MCCC2: variants seen among roughly 807,000 people sequenced by gnomAD.
MCCC2 encodes the protein methylcrotonyl-CoA carboxylase subunit 2, also known as methylcrotonoyl-CoA carboxylase beta chain, mitochondrial.
MCCC2 carries 52 observed loss-of-function variants against 77.2 expected under a neutral mutation model. The ratio of observed to expected loss-of-function variants is 0.67; its 90% CI spans 0.54 to 0.85. The LOEUF is 0.85. Among genes scored for constraint, MCCC2 ranks in the 40% least tolerant of loss-of-function variants. The pLI is 0.00. For synonymous variants in MCCC2, 253 were observed against 248.4 expected, an observed-to-expected ratio of 1.02 and a Z score of -0.18; for missense variants, 682 against 703.2, an observed-to-expected ratio of 0.97 and a Z score of 0.34.
chr5:71,653,920 A>AG (rs1253600793), intron 16 of MCCC2, among the ~76,000 whole-genome samples: 1 of 151,978 alleles, frequency 6.6e-6, no homozygotes, highest in Non-Finnish European at 1.5e-5. Flanking sequence ...GTGGATACAA[A>AG]GACAAAACAT....
intron 8 of MCCC2, among the ~76,000 whole-genome samples, chr5:71,633,286 A>AT (rs1746806566): frequency 6.6e-6 from 1 of 151,530 alleles, no homozygotes; most frequent in South Asian, 2.1e-4. Flanking sequence ...CAGTTTGACT[A>AT]TTTAAAAAAA....
intron 10 of MCCC2, among the ~76,000 whole-genome samples, chr5:71,640,656 G>C (rs1169399923): frequency 6.6e-6 from 1 of 152,034 alleles, no homozygotes; most frequent in Non-Finnish European, 1.5e-5. Context: ...TTTTGACTCT[G>C]AGCCCTGTCT....
rs1301711368 is a variant in MCCC2 at position 71,633,129 on chromosome 5, ATATT to A, written c.803+946_803+949del. 3.0e-4 allele frequency among the ~76,000 whole-genome samples: 25 copies of A among 81,982 alleles called. 1 individual carries two copies. Among genetic ancestry groups the A allele is most frequent in the South Asian group, 2.6e-3 (7 of 2,674 alleles). The allele number at this position is 81,982 out of a possible 152,430, so 53.8% of individuals were successfully genotyped here. ...TATATATATATATATATATATATAT[ATATT>A]TTTATTTTTTGTAGAAACAGGTGTC... is the stretch of plus-strand genomic sequence containing the variant. On this transcript the variant is annotated intron_variant, in intron 8 of 16. Coordinates refer to ENST00000340941, the MANE Select transcript of MCCC2 (RefSeq NM_022132.5).
At chr5:71,636,394 C>T (rs1746929388) in intron 10 of MCCC2, 2 of 165,706 alleles carry the variant, frequency 1.2e-5, no homozygotes, top group South Asian at 2.8e-4. Flanking sequence ...AAAAATGGTA[C>T]TTAAACTCTG....
At chr5:71,597,485 C>T (rs1407061042) in intron 3 of MCCC2, among the ~76,000 whole-genome samples, 3 of 151,776 alleles carry the variant, frequency 2.0e-5, no homozygotes, top group African/African-American at 7.3e-5. Flanking sequence ...AGGTAGAGGG[C>T]GATTGCAAGG....
chr5:71,630,807 T>C (rs965896165), intron 7 of MCCC2, among the ~76,000 whole-genome samples: 1 of 152,152 alleles, frequency 6.6e-6, no homozygotes, highest in African/African-American at 2.4e-5. Flanking sequence ...AGAAAGACTT[T>C]TTCTTTACCT....
rs1355867067 is a variant in MCCC2 at position 71,587,435 on chromosome 5, G to A, written c.10G>A (p.Val4Ile). 1.3e-6 allele frequency: 2 copies of A among 1,534,836 alleles called. No homozygotes were observed. Among genetic ancestry groups the A allele is most frequent in the Non-Finnish European group, 1.7e-6 (2 of 1,146,396 alleles). ...CTCGGTGCCCGCCGCCATGTGGGCC[G>A]TCCTGAGGTTAGCCCTGCGGCCGTG... MWA[V>I]LRLALRPCAR... Residue 4 changes from valine to isoleucine, a missense_variant, in exon 1 of 17, where the codon GTC becomes ATC. Val to Ile is a conservative substitution (Grantham distance 29). Coordinates refer to ENST00000340941, the MANE Select transcript of MCCC2 (RefSeq NM_022132.5).
intron 10 of MCCC2, among the ~76,000 whole-genome samples, chr5:71,637,112 AT>A (rs1365054971): frequency 1.3e-5 from 2 of 152,190 alleles, no homozygotes; most frequent in Non-Finnish European, 2.9e-5. Context: ...AAGATACATT[AT>A]TCTATGTATA....
In MCCC2 at chr5:71,650,206, T is replaced by G. The variant is rs924580028; in HGVS notation, c.1488+23T>G. 8 of 1,606,420 alleles carry G rather than the reference T, an allele frequency of 5.0e-6. No individual in the cohort carries two copies. The African/African-American group carries it at 9.4e-5, about 19-fold the overall frequency. On this transcript the variant is annotated intron_variant, in intron 15 of 16. Transcript: ENST00000340941. ...CAGGTCGGTGTCGTTTTCTCTTGTT[T>G]CTCTCTGGTTTTGCCTCTCACCATA...
intron 10 of MCCC2, among the ~76,000 whole-genome samples, 165 bp from the exon 11 acceptor site, chr5:71,640,838 G>A (rs1170286031): frequency 1.3e-5 from 2 of 152,208 alleles, no homozygotes; most frequent in Non-Finnish European, 1.5e-5. Flanking sequence ...TGACTTCAGG[G>A]CATTAACCAG....
chr5:71,624,181 G>A (rs182804055), intron 6 of MCCC2, among the ~76,000 whole-genome samples: 52 of 152,202 alleles, frequency 3.4e-4, no homozygotes, highest in Admixed American at 2.5e-3. Context: ...GGGGAGGGGG[G>A]GCCCTACCTC....
intron 10 of MCCC2, chr5:71,635,530 T>C (rs1194799508): frequency 1.1e-5 from 5 of 443,512 alleles, no homozygotes; most frequent in Non-Finnish European, 2.1e-5. Flanking sequence ...CCTGTGCACA[T>C]TATGAATGAT....
chr5:71,594,896 C>CTT (rs1471340501), intron 2 of MCCC2, among the ~76,000 whole-genome samples: 2 of 59,416 alleles, frequency 3.4e-5, no homozygotes, highest in African/African-American at 4.1e-5. Flanking sequence ...TTAAGTCTCT[C>CTT]TCTTTTTTTT....
intron 6 of MCCC2, among the ~76,000 whole-genome samples, chr5:71,619,747 T>C (rs1438067439): frequency 6.6e-6 from 1 of 152,046 alleles, no homozygotes; most frequent in Non-Finnish European, 1.5e-5. Flanking sequence ...ACACCTGTAA[T>C]CTCAGAGGCT....
At chr5:71,650,996 G>A (rs1443587940) in intron 15 of MCCC2, among the ~76,000 whole-genome samples, 1 of 151,842 alleles carries the variant, frequency 6.6e-6, no homozygotes, top group South Asian at 2.1e-4. Context: ...TGTTGGCCAG[G>A]CTGCTCTCAA....
rs1319045043 is a variant in MCCC2 at position 71,635,206 on chromosome 5, T to G, written c.959T>G (p.Ile320Arg). The change falls in exon 10 of 17, where the codon ATA becomes AGA. Residue 320 changes from isoleucine (I) to arginine (R), a missense_variant. By Grantham distance (97) the Ile-to-Arg change is moderately conservative. Coordinates refer to ENST00000340941, the MANE Select transcript of MCCC2 (RefSeq NM_022132.5). Reference protein sequence around the residue: ...PLFPADELYGIVGANLKRSFD... With the variant: ...PLFPADELYGRVGANLKRSFD... ...TTTCCTGCTGATGAATTGTATGGAATAGTTGGTGCTAACCTTAAGAGGAGC... is the reference window on the plus strand; with the variant it reads ...TTTCCTGCTGATGAATTGTATGGAAGAGTTGGTGCTAACCTTAAGAGGAGC... The G allele has an allele frequency of 6.2e-7, 1 of 1,614,188 alleles. No homozygotes were observed. The highest frequency in any genetic ancestry group is 1.7e-5 in the Admixed American group (1 of 60,026).
At position 71,599,679 on chromosome 5, in the gene MCCC2, C is replaced by T. The variant is rs748028684; in HGVS notation, c.302C>T (p.Ser101Phe). Residue 101 changes from serine to phenylalanine, a missense_variant, in exon 4 of 17, where the codon TCC (serine) becomes TTC (phenylalanine). Transcript: ENST00000340941. ...TTTAGGTCTCCATTTCTGGAATTATCCCAGTTTGCAGGTTACCAGTTATAT... is the reference window on the plus strand; with the variant it reads ...TTTAGGTCTCCATTTCTGGAATTATTCCAGTTTGCAGGTTACCAGTTATAT... ...IDPGSPFLEL[S>F]QFAGYQLYDN... 6 of 1,613,952 alleles carry T rather than the reference C, an allele frequency of 3.7e-6. No individual in the cohort carries two copies. Among genetic ancestry groups the T allele is most frequent in the Non-Finnish European group, 4.2e-6 (5 of 1,179,890 alleles).
At chr5:71,598,304 C>T (rs1359900371) in intron 3 of MCCC2, among the ~76,000 whole-genome samples, 2 of 151,900 alleles carry the variant, frequency 1.3e-5, no homozygotes, top group Non-Finnish European at 2.9e-5. Context: ...CTCTTGACCT[C>T]GTGATCTGCC....
At chr5:71,595,834 A>G (rs768677031) in intron 2 of MCCC2, among the ~76,000 whole-genome samples, 49 of 152,228 alleles carry the variant, frequency 3.2e-4, no homozygotes, top group Non-Finnish European at 5.6e-4. Context: ...CGGATCACTA[A>G]TGTCATCTTT....
Sources: allele counts gnomAD v4.1 joint callset (sites outside exome capture counted in the v4.1 genomes callset), GRCh38; gene constraint gnomAD v4.1.1; transcripts MANE v1.5; gene names NCBI Gene and HGNC (gene_info 2026-07-23, HGNC 2026-07-21).